PSIP1: variants seen among roughly 807,000 people sequenced by gnomAD.
PSIP1 encodes the protein PC4 and SFRS1-interacting protein.
A neutral mutation model predicts 74.7 loss-of-function variants in PSIP1; 19 were observed. The observed-to-expected ratio is 0.25, with a 90% CI of 0.18 to 0.37. The LOEUF is 0.37. Among genes scored for constraint, PSIP1 ranks in the 10% least tolerant of loss-of-function variants. PSIP1 has a pLI of 1.00. For synonymous variants in PSIP1, 222 were observed against 195.3 expected (o/e 1.14, Z -1.14); for missense variants, 601 against 614.3 (o/e 0.98, Z 0.23).
Position 15,465,242 on chromosome 9 carries a change from A to G in PSIP1, c.*278T>C. ...ATCAATTACACATTAACATACACACACTAATTGAAAATATGCTACAACCAT... is the reference window on the plus strand; with the variant it reads ...ATCAATTACACATTAACATACACACGCTAATTGAAAATATGCTACAACCAT... On this transcript the variant is annotated 3_prime_UTR_variant, in exon 16 of 16. Coordinates refer to ENST00000380733, the MANE Select transcript of PSIP1 (RefSeq NM_033222.5). The G allele has an allele frequency of 5.4e-6, 2 of 367,548 alleles. No homozygotes were observed. Among genetic ancestry groups the G allele is most frequent in the Non-Finnish European group, 9.7e-6 (2 of 206,362 alleles). 22.8% of individuals were successfully genotyped at this position (367,548 alleles called of 1,614,324 possible).
In PSIP1 at chr9:15,474,708, C is replaced by G. The variant is rs372665648; in HGVS notation, c.630-471G>C. On this transcript the variant is annotated intron_variant, in intron 8 of 15. Coordinates refer to ENST00000380733, the MANE Select transcript of PSIP1 (RefSeq NM_033222.5). The stretch of plus-strand genomic sequence containing the variant: ...ACACCACTAAAACAAGAGAAACTAC[C>G]TAAACTGCTCAATAATCCTAATTAC... 3.3e-5 allele frequency among the ~76,000 whole-genome samples: 5 copies of G among 152,252 alleles called. No individual in the cohort carries two copies. In the East Asian group the frequency reaches 7.7e-4, roughly 23 times the overall value.
At chr9:15,506,788 C>T (rs2037610110) in intron 2 of PSIP1, 151 bp from the exon 3 acceptor site, 1 of 603,158 alleles carries the variant, frequency 1.7e-6, no homozygotes, top group Admixed American at 3.3e-5. Flanking sequence ...AATCTGAAAC[C>T]CAAGAAGCTC....
intron 6 of PSIP1, among the ~76,000 whole-genome samples, chr9:15,484,804 T>C (rs1051376223): frequency 1.3e-5 from 2 of 151,432 alleles, no homozygotes; most frequent in South Asian, 2.1e-4. Context: ...TCCCAGCTAC[T>C]TGGGAGGCCG....
In PSIP1 at chr9:15,503,619, C is replaced by G. The variant is rs145256103; in HGVS notation, c.149+2942G>C. Among the ~76,000 whole-genome samples the G allele has an allele frequency of 7.3e-5, 11 of 151,530 alleles. No homozygotes were observed. In the South Asian group the frequency reaches 1.9e-3, roughly 26 times the overall value. The stretch of plus-strand genomic sequence containing the variant: ...CAAGGATGCAGTCAACTATGATCGC[C>G]GCTGTGTTCCATCCTGGGCCATGGA... On this transcript the variant is annotated intron_variant, in intron 3 of 15. Coordinates refer to ENST00000380733, the MANE Select transcript of PSIP1 (RefSeq NM_033222.5).
chr9:15,489,019 C>CA (rs1193164384), intron 4 of PSIP1, among the ~76,000 whole-genome samples: 21 of 151,546 alleles, frequency 1.4e-4, no homozygotes, highest in East Asian at 5.8e-4. Context: ...AGACTCCTCT[C>CA]AAAAAAAATA....
intron 3 of PSIP1, 29 bp downstream of exon 3, chr9:15,506,532 G>A (rs2132241389): frequency 6.7e-7 from 1 of 1,502,754 alleles, no homozygotes; most frequent in Middle Eastern, 1.7e-4. Context: ...AATTAGCTCT[G>A]ATTTGCCTTT....
intron 6 of PSIP1, among the ~76,000 whole-genome samples, chr9:15,482,015 TTTA>T (rs1184900777): frequency 2.0e-5 from 3 of 152,184 alleles, no homozygotes; most frequent in African/African-American, 7.2e-5. Context: ...TGACTACAGA[TTTA>T]TTTCTTCCAT....
At chr9:15,506,806 C>G (rs1412730733) in intron 2 of PSIP1, among the ~76,000 whole-genome samples, 169 bp from the exon 3 acceptor site, 1 of 152,180 alleles carries the variant, frequency 6.6e-6, no homozygotes. Flanking sequence ...CTCTGAAAAC[C>G]AAAATTTCTG....
intron 8 of PSIP1, among the ~76,000 whole-genome samples, chr9:15,475,589 T>C (rs1175664903): frequency 1.3e-5 from 2 of 152,138 alleles, no homozygotes; most frequent in Non-Finnish European, 2.9e-5. Flanking sequence ...TATCCATACA[T>C]AGGATAGATC....
chr9:15,464,321 AT>A lies in PSIP1; in HGVS notation c.*1198del. Reference sequence around the variant, plus strand: ...CATACAGAGACGCTGGTCTTAAGCCATTTTTTTCCATATTCATATAATTTCA... The same window carrying A: ...CATACAGAGACGCTGGTCTTAAGCCATTTTTTCCATATTCATATAATTTCA... On this transcript the variant is annotated 3_prime_UTR_variant, in exon 16 of 16. Coordinates refer to ENST00000380733, the MANE Select transcript of PSIP1 (RefSeq NM_033222.5). The A allele has an allele frequency of 4.1e-5, 8 of 193,388 alleles. No homozygotes were observed. Among genetic ancestry groups the A allele is most frequent in the East Asian group, 2.5e-4 (3 of 12,224 alleles). The allele number at this position is 193,388 out of a possible 1,614,324, so 12.0% of individuals were successfully genotyped here.
intron 8 of PSIP1, among the ~76,000 whole-genome samples, chr9:15,477,202 T>C (rs993222737): frequency 6.6e-6 from 1 of 152,048 alleles, no homozygotes; most frequent in Non-Finnish European, 1.5e-5. Flanking sequence ...TGTATTTTTC[T>C]GCCACTATTT....
intron 4 of PSIP1, among the ~76,000 whole-genome samples, chr9:15,487,652 C>T (rs2036613283): frequency 6.6e-6 from 1 of 152,166 alleles, no homozygotes; most frequent in South Asian, 2.1e-4. Context: ...TTTCAGATAA[C>T]AATCAATTCT....
rs544948289 is a variant in PSIP1 at position 15,505,530 on chromosome 9, G to C, written c.149+1031C>G. 3.3e-5 allele frequency: 5 copies of C among 151,972 alleles called. No individual in the cohort carries two copies. The East Asian group carries it at 9.6e-4, about 29-fold the overall frequency. 9.4% of individuals were successfully genotyped at this position (151,972 alleles called of 1,614,324 possible). On this transcript the variant is annotated intron_variant, in intron 3 of 15. Coordinates refer to ENST00000380733, the MANE Select transcript of PSIP1 (RefSeq NM_033222.5). ...TTGTATTTTTTTAAAAACTTATTATGAAATATTGTATGACACCATTCAAAT... is the reference window on the plus strand; with the variant it reads ...TTGTATTTTTTTAAAAACTTATTATCAAATATTGTATGACACCATTCAAAT...
intron 6 of PSIP1, among the ~76,000 whole-genome samples, chr9:15,483,143 C>G (rs984098751): frequency 5.3e-5 from 8 of 152,156 alleles, no homozygotes; most frequent in Non-Finnish European, 1.2e-4. Context: ...ATCTATTACC[C>G]TATCTTCATG....
intron 3 of PSIP1, among the ~76,000 whole-genome samples, chr9:15,499,701 C>G (rs929846362): frequency 6.6e-6 from 1 of 152,068 alleles, no homozygotes; most frequent in South Asian, 2.1e-4. Context: ...TGGTGAAACC[C>G]CATTTCTACT....
intron 2 of PSIP1, among the ~76,000 whole-genome samples, chr9:15,508,647 T>A (rs1382827639): frequency 6.6e-6 from 1 of 152,178 alleles, no homozygotes; most frequent in Non-Finnish European, 1.5e-5. Context: ...TAAACAAGGA[T>A]ACCTCGAAGA....
intron 3 of PSIP1, among the ~76,000 whole-genome samples, chr9:15,497,246 C>T (rs191660261): frequency 6.6e-6 from 1 of 151,120 alleles, no homozygotes; most frequent in Middle Eastern, 3.2e-3. Flanking sequence ...CACATCCAGG[C>T]TAGAGCATGG....
At chr9:15,473,915 CAAAAAAAAAAACAAAA>C (rs1194425889) in intron 9 of PSIP1, 78 bp downstream of exon 9, 4 of 598,854 alleles carry the variant, frequency 6.7e-6, no homozygotes, top group Non-Finnish European at 9.1e-6. Flanking sequence ...AAAAAAAAAA[CAAAAAAAAAAACAAAA>C]AAAAAACAAA....
At chr9:15,474,550 A>C (rs1006296310) in intron 8 of PSIP1, among the ~76,000 whole-genome samples, 1 of 152,184 alleles carries the variant, frequency 6.6e-6, no homozygotes, top group Non-Finnish European at 1.5e-5. Flanking sequence ...TCGTTTTAGA[A>C]CTCAAATATT....
Sources: gnomAD v4.1 joint callset for allele counts (sites outside exome capture counted in the v4.1 genomes callset) on GRCh38, gnomAD v4.1.1 for gene constraint, MANE v1.5 for transcripts, NCBI Gene and HGNC (gene_info 2026-07-23, HGNC 2026-07-21) for gene names.